The following ZNF888 variants were observed in gnomAD, a reference collection of about 807,000 sequenced individuals.
ZNF888 encodes the protein CTD-2331H12.6.
In ZNF888, 5 loss-of-function variants were observed where a neutral mutation model predicts 7.2. The observed-to-expected ratio is 0.70, with a 90% CI of 0.36 to 1.46. ZNF888 has a LOEUF of 1.46. Among genes scored for constraint, ZNF888 ranks in the 40% most tolerant of loss-of-function variants. The probability of loss-of-function intolerance (pLI) is 0.03; values close to 1 mark genes in which losing one functional copy is unlikely to be tolerated. For synonymous variants in ZNF888, 240 were observed against 284.3 expected, an observed-to-expected ratio of 0.84 and a Z score of 1.57; for missense variants, 716 against 858.0, an observed-to-expected ratio of 0.83 and a Z score of 2.07.
chr19:52,912,035 G>A (rs1020218123), intron 4 of ZNF888, among the ~76,000 whole-genome samples: 4 of 149,910 alleles, frequency 2.7e-5, no homozygotes, highest in African/African-American at 9.8e-5. Context: ...GGATGGTCGC[G>A]ATCTCCTGAC....
intron 1 of ZNF888, among the ~76,000 whole-genome samples, chr19:52,922,695 C>T (rs538586424): frequency 1.4e-4 from 22 of 152,204 alleles, no homozygotes; most frequent in African/African-American, 2.4e-5. Flanking sequence ...TTCCCTCTCT[C>T]TGTCTCCTGA....
intron 3 of ZNF888, among the ~76,000 whole-genome samples, chr19:52,916,849 T>C (rs1031512409): frequency 6.6e-6 from 1 of 151,644 alleles, no homozygotes; most frequent in Non-Finnish European, 1.5e-5. Flanking sequence ...GAGGCAAAGT[T>C]TGCAGTAAGC....
intron 4 of ZNF888, 71 bp from the exon 5 acceptor site, chr19:52,908,250 T>C: frequency 7.0e-7 from 1 of 1,420,714 alleles, no homozygotes; most frequent in East Asian, 2.3e-5. Flanking sequence ...CGTGTAAATA[T>C]GACACCAAAA....
intron 4 of ZNF888, among the ~76,000 whole-genome samples, chr19:52,914,638 A>T (rs1476527473): frequency 6.6e-6 from 1 of 152,140 alleles, no homozygotes; most frequent in Non-Finnish European, 1.5e-5. Flanking sequence ...GCAAACAGGG[A>T]ACTGGATATC....
chr19:52,912,318 T>C (rs1461909496), intron 4 of ZNF888, among the ~76,000 whole-genome samples: 31 of 149,100 alleles, frequency 2.1e-4, no homozygotes, highest in South Asian at 2.1e-4. Context: ...TTTCACCATG[T>C]TAGCCAGGAT....
Position 52,906,923 on chromosome 19 carries a change from T to C in ZNF888, c.1399A>G (p.Lys467Glu). The C allele has an allele frequency of 6.2e-7, 1 of 1,611,606 alleles. No homozygotes were observed. The highest frequency in any genetic ancestry group is 8.5e-7 in the Non-Finnish European group (1 of 1,179,386). ...HRLHTGEKPYKCKECDKVFSR... is the reference protein window; with the variant it reads ...HRLHTGEKPYECKECDKVFSR... Reference sequence around the variant, plus strand: ...AAAACTTTGTCACATTCTTTACATTTGTAAGGTTTCTCTCCAGTATGAAGT... The same window carrying C: ...AAAACTTTGTCACATTCTTTACATTCGTAAGGTTTCTCTCCAGTATGAAGT... Residue 467 changes from lysine to glutamate, a missense_variant, in exon 5 of 5, where the codon AAA becomes GAA. By Grantham distance (56) the Lys-to-Glu change is moderately conservative (BLOSUM62 1). This residue lies in a region of ZNF888 where 697 missense variants were observed against 803.4 expected (regional missense o/e 0.87). Coordinates refer to ENST00000638862, the MANE Select transcript of ZNF888 (RefSeq NM_001393938.1).
chr19:52,912,033 G>A (rs549208738), intron 4 of ZNF888, among the ~76,000 whole-genome samples: 3 of 146,090 alleles, frequency 2.1e-5, no homozygotes, highest in South Asian at 4.5e-4. Context: ...CAGGATGGTC[G>A]CGATCTCCTG....
intron 4 of ZNF888, 25 bp downstream of exon 4, chr19:52,915,171 T>A: frequency 1.3e-6 from 2 of 1,499,254 alleles, no homozygotes; most frequent in Non-Finnish European, 1.8e-6. Flanking sequence ...CAAGGGAACA[T>A]CCCCAGGAAG....
At position 52,907,980 on chromosome 19, in the gene ZNF888, TTC is replaced by T; in HGVS notation, c.340_341del (p.Glu114AsnfsTer7). ...CTGTACTACCCGTCAACTCTTTGATTTCTGTCATGGGTGCTTCATGGCCATTT... is the reference window on the plus strand; with the variant it reads ...CTGTACTACCCGTCAACTCTTTGATTTGTCATGGGTGCTTCATGGCCATTT... The part of the protein sequence containing the change: ...ETNGHEAPMT[E>X]IKELTGSTDQ... On this transcript the variant is annotated frameshift_variant, in exon 5 of 5. Coordinates refer to ENST00000638862, the MANE Select transcript of ZNF888 (RefSeq NM_001393938.1). LOFTEE classifies it low-confidence loss of function (END_TRUNC). The T allele has an allele frequency of 6.2e-7, 1 of 1,614,138 alleles. No homozygotes were observed. Among genetic ancestry groups the T allele is most frequent in the South Asian group, 1.1e-5 (1 of 91,080 alleles).
chr19:52,908,919 G>A (rs1600677060), intron 4 of ZNF888, among the ~76,000 whole-genome samples: 1 of 151,410 alleles, frequency 6.6e-6, no homozygotes, highest in Non-Finnish European at 1.5e-5. Context: ...GGCCGAGGCA[G>A]GTGGATCTCC....
Position 52,921,521 on chromosome 19 carries a change from C to T in ZNF888, c.-178+1848G>A, listed in dbSNP as rs184951188. 5.3e-3 allele frequency among the ~76,000 whole-genome samples: 811 copies of T among 152,332 alleles called. 6 individuals carry two copies. Among genetic ancestry groups the T allele is most frequent in the African/African-American group, 0.018 (762 of 41,574 alleles). On this transcript the variant is annotated intron_variant, in intron 1 of 4. Coordinates refer to ENST00000638862, the MANE Select transcript of ZNF888 (RefSeq NM_001393938.1). ...AAGGGTTGGTCTTTATCACCCCATCCTTGAAAATTAGAGAAGCATCTTTCA... is the reference window on the plus strand; with the variant it reads ...AAGGGTTGGTCTTTATCACCCCATCTTTGAAAATTAGAGAAGCATCTTTCA...
chr19:52,912,329 G>T (rs1216207264), intron 4 of ZNF888, among the ~76,000 whole-genome samples: 2 of 149,036 alleles, frequency 1.3e-5, no homozygotes, highest in Admixed American at 6.7e-5. Context: ...TAGCCAGGAT[G>T]GCCTCTATCT....
chr19:52,922,605 G>C (rs571299916), intron 1 of ZNF888, among the ~76,000 whole-genome samples: 142 of 152,180 alleles, frequency 9.3e-4, no homozygotes, highest in Non-Finnish European at 1.5e-3. Flanking sequence ...GCAAATCCCT[G>C]ACCATCCCCT....
chr19:52,922,348 G>A lies in ZNF888; in HGVS notation c.-178+1021C>T, dbSNP rs1022912359. Among the ~76,000 whole-genome samples, 3 of 151,848 alleles carry A rather than the reference G, an allele frequency of 2.0e-5. No individual in the cohort carries two copies. In the South Asian group the frequency reaches 6.2e-4, roughly 32 times the overall value. ...ACTCTCTGGCACCCCAGATTTCCCA[G>A]GTGTCCTCCCTGCTGTGGTTCTCCC... On this transcript the variant is annotated intron_variant, in intron 1 of 4. Coordinates refer to ENST00000638862, the MANE Select transcript of ZNF888 (RefSeq NM_001393938.1).
At chr19:52,922,267 C>CTCTGCA (rs767166519) in intron 1 of ZNF888, among the ~76,000 whole-genome samples, 2 of 17,378 alleles carry the variant, frequency 1.2e-4, no homozygotes, top group Non-Finnish European at 2.6e-4. Flanking sequence ...CTTCTCCCAT[C>CTCTGCA]TCTCCTGAGC....
chr19:52,914,114 G>C (rs1343239121), intron 4 of ZNF888, among the ~76,000 whole-genome samples: 1 of 152,216 alleles, frequency 6.6e-6, no homozygotes, highest in Non-Finnish European at 1.5e-5. Context: ...GACAGAGTGA[G>C]ACTCTGTCAT....
chr19:52,915,771 G>A (rs1302393715), intron 3 of ZNF888, among the ~76,000 whole-genome samples: 2 of 152,110 alleles, frequency 1.3e-5, no homozygotes, highest in African/African-American at 4.8e-5. Flanking sequence ...CACCATACCC[G>A]GCCTCACATG....
At chr19:52,910,921 C>T (rs2064670319) in intron 4 of ZNF888, among the ~76,000 whole-genome samples, 1 of 152,194 alleles carries the variant, frequency 6.6e-6, no homozygotes, top group Non-Finnish European at 1.5e-5. Flanking sequence ...CACTCTGTCA[C>T]CCGGGCTGGA....
In ZNF888 at chr19:52,918,018, C is replaced by T. The variant is rs571868004; in HGVS notation, c.-58-87G>A. 4 of 1,510,754 alleles carry T rather than the reference C, an allele frequency of 2.6e-6. No homozygotes were observed. In the East Asian group the frequency reaches 7.0e-5, roughly 27 times the overall value. The allele number at this position is 1,510,754 out of a possible 1,614,324, so 93.6% of individuals were successfully genotyped here. A position where few individuals can be genotyped will look rare whatever the true frequency, so the allele number is the denominator to read the frequency against. ...CCTCCCTGTAAAACAACGACACATA[C>T]AAAGGAGACCTCACCCTGGGAAATA... On this transcript the variant is annotated intron_variant, in intron 2 of 4. Coordinates refer to ENST00000638862, the MANE Select transcript of ZNF888 (RefSeq NM_001393938.1).
Sources: allele counts gnomAD v4.1 joint callset (sites outside exome capture counted in the v4.1 genomes callset), GRCh38; gene constraint gnomAD v4.1.1; regional missense constraint gnomAD v4.1.1; transcripts MANE v1.5; gene names NCBI Gene and HGNC (gene_info 2026-07-23, HGNC 2026-07-21).